Variants in FER observed in about 807,000 individuals in gnomAD.
FER encodes FER tyrosine kinase.
Under a neutral mutation model 111.0 loss-of-function variants are expected in FER, and 63 were observed. The ratio of observed to expected loss-of-function variants is 0.57; its 90% CI spans 0.46 to 0.70. The LOEUF (loss-of-function observed/expected upper bound fraction) is 0.70, where lower values mean the gene tolerates loss of function less well. Ranked by LOEUF, FER falls within the 30% of genes least tolerant of loss-of-function variation. FER has a pLI of 0.00. For missense variants in FER, 914 were observed against 954.0 expected (o/e 0.96, Z 0.55); for synonymous variants, 327 against 313.9 (o/e 1.04, Z -0.44).
At chr5:109,162,639 G>C (rs778472731) in intron 17 of FER, among the ~76,000 whole-genome samples, 6 of 151,942 alleles carry the variant, frequency 3.9e-5, no homozygotes, top group Non-Finnish European at 5.9e-5. Flanking sequence ...TTATTTTCTG[G>C]AGTTTAACTT....
At chr5:109,058,858 G>A (rs766500078) in intron 16 of FER, among the ~76,000 whole-genome samples, 5 of 147,584 alleles carry the variant, frequency 3.4e-5, no homozygotes, top group East Asian at 2.1e-4. Flanking sequence ...TCAGCCTCCC[G>A]AGTAGCTGGG....
chr5:109,014,933 G>T (rs544694945), intron 13 of FER: 24 of 152,282 alleles, frequency 1.6e-4, no homozygotes, highest in African/African-American at 5.5e-4. Flanking sequence ...TGCTGCTGAA[G>T]CGAGCACTAT....
At chr5:109,137,807 A>G (rs1753060683) in intron 17 of FER, among the ~76,000 whole-genome samples, 1 of 152,084 alleles carries the variant, frequency 6.6e-6, no homozygotes, top group Non-Finnish European at 1.5e-5. Context: ...CATCAAAACC[A>G]ATTTTCAGTC....
intron 10 of FER, among the ~76,000 whole-genome samples, chr5:108,910,607 T>C (rs1034487753): frequency 3.9e-5 from 6 of 152,160 alleles, no homozygotes; most frequent in Admixed American, 2.6e-4. Flanking sequence ...TTGTACCACA[T>C]AGGTAATTTT....
intron 17 of FER, among the ~76,000 whole-genome samples, chr5:109,174,656 TTA>T (rs1757491359): frequency 6.6e-6 from 1 of 152,172 alleles, no homozygotes; most frequent in African/African-American, 2.4e-5. Context: ...AAACAGATTT[TTA>T]TATGTGTATT....
At chr5:108,860,714 T>C (rs1313571616) in intron 5 of FER, among the ~76,000 whole-genome samples, 1 of 152,164 alleles carries the variant, frequency 6.6e-6, no homozygotes, top group African/African-American at 2.4e-5. Flanking sequence ...ATAAGTAAAA[T>C]TGTGAAATTG....
At chr5:109,142,881 T>G (rs1221111003) in intron 17 of FER, among the ~76,000 whole-genome samples, 1 of 152,186 alleles carries the variant, frequency 6.6e-6, no homozygotes, top group African/African-American at 2.4e-5. Context: ...AATTGTAGAT[T>G]GTAGCTAGTA....
chr5:109,051,358 C>CT, intron 16 of FER: 5 of 1,610,620 alleles, frequency 3.1e-6, no homozygotes, highest in Non-Finnish European at 4.2e-6. Context: ...GGCACGACTG[C>CT]TGGCTCTGCT....
chr5:108,786,533 C>T (rs1053027990), intron 2 of FER, among the ~76,000 whole-genome samples: 11 of 152,146 alleles, frequency 7.2e-5, no homozygotes, highest in African/African-American at 2.4e-4. Context: ...CGGAGTCTTG[C>T]TCCATCACAC....
At chr5:109,099,573 T>C (rs1747957200) in intron 16 of FER, among the ~76,000 whole-genome samples, 1 of 151,568 alleles carries the variant, frequency 6.6e-6, no homozygotes, top group Non-Finnish European at 1.5e-5. Context: ...GATTTTAAAA[T>C]GTAAAATATC....
chr5:108,934,555 A>G (rs939141712), intron 10 of FER, among the ~76,000 whole-genome samples: 1 of 152,132 alleles, frequency 6.6e-6, no homozygotes. Context: ...CTTTGCTGAT[A>G]TCTAATCAGC....
At chr5:108,832,724 G>T in intron 3 of FER, 46 bp from the exon 4 acceptor site, 1 of 1,353,980 alleles carries the variant, frequency 7.4e-7, no homozygotes, top group Non-Finnish European at 9.7e-7. Context: ...CAGCTAAATG[G>T]AAACCTTTAA....
At chr5:109,162,461 A>T (rs533028003) in intron 17 of FER, among the ~76,000 whole-genome samples, 1 of 152,288 alleles carries the variant, frequency 6.6e-6, no homozygotes, top group East Asian at 1.9e-4. Flanking sequence ...TCCTGTTTGT[A>T]TTAGAAAAGG....
In FER at chr5:108,910,285, C is replaced by T. The variant is rs544026550; in HGVS notation, c.1236+12437C>T. Among the ~76,000 whole-genome samples, 5 of 152,220 alleles carry T rather than the reference C, an allele frequency of 3.3e-5. No homozygotes were observed. The East Asian group carries it at 5.8e-4, about 18-fold the overall frequency. ...TATCATCATCTACAGTGGCTTCCTT[C>T]GAACCTGCTCTCTACTCTAGCCAAA... is the stretch of plus-strand genomic sequence containing the variant. On this transcript the variant is annotated intron_variant, in intron 10 of 19. Transcript: ENST00000281092.
At chr5:109,162,691 G>C (rs1486141131) in intron 17 of FER, among the ~76,000 whole-genome samples, 1 of 152,074 alleles carries the variant, frequency 6.6e-6, no homozygotes. Context: ...CCCATGTAAA[G>C]AAATCCACAG....
rs888444986 is a variant in FER at position 108,785,377 on chromosome 5, C to T, written c.-59-12747C>T. The T allele has an allele frequency of 7.2e-5, 42 of 585,220 alleles. 1 individual carries two copies. The highest frequency in any genetic ancestry group is 5.4e-4 in the South Asian group (38 of 70,198). 36.3% of individuals were successfully genotyped at this position (585,220 alleles called of 1,614,324 possible). A position where few individuals can be genotyped will look rare whatever the true frequency, so the allele number is the denominator to read the frequency against. ...CTGCCATGGGCCCCAGCATCAAGATCTGGGACTTAGGGGTAAATATCATCG... is the reference window on the plus strand; with the variant it reads ...CTGCCATGGGCCCCAGCATCAAGATTTGGGACTTAGGGGTAAATATCATCG... On this transcript the variant is annotated intron_variant, in intron 2 of 19. Transcript: ENST00000281092.
At chr5:108,799,172 A>G (rs1403890127) in intron 3 of FER, among the ~76,000 whole-genome samples, 2 of 152,246 alleles carry the variant, frequency 1.3e-5, no homozygotes, top group Non-Finnish European at 2.9e-5. Context: ...TAGATGAATA[A>G]TGTATTTTTT....
intron 17 of FER, among the ~76,000 whole-genome samples, chr5:109,113,745 T>G (rs1749903467): frequency 6.6e-6 from 1 of 152,110 alleles, no homozygotes; most frequent in Admixed American, 6.6e-5. Flanking sequence ...TAAAGGTAGG[T>G]TAAGTGTTAA....
chr5:108,823,991 A>G (rs1759173474), intron 3 of FER, among the ~76,000 whole-genome samples: 1 of 152,016 alleles, frequency 6.6e-6, no homozygotes, highest in South Asian at 2.1e-4. Context: ...ATTCTCTTAC[A>G]TGTGGATATC....
Sources: allele counts gnomAD v4.1 joint callset (sites outside exome capture counted in the v4.1 genomes callset), GRCh38; gene constraint gnomAD v4.1.1; transcripts MANE v1.5; gene names NCBI Gene and HGNC (gene_info 2026-07-23, HGNC 2026-07-21).